SEC16B: variants seen among roughly 807,000 people sequenced by gnomAD.
The protein encoded by SEC16B is protein transport protein Sec16B.
SEC16B carries 115 observed loss-of-function variants against 141.8 expected under a neutral mutation model. The ratio of observed to expected loss-of-function variants is 0.81; its 90% confidence interval spans 0.70 to 0.95. The LOEUF (loss-of-function observed/expected upper bound fraction) is 0.95, where lower values mean the gene tolerates loss of function less well. Among genes scored for constraint, SEC16B ranks in the 40% least tolerant of loss-of-function variants. SEC16B has a pLI of 0.00. For missense variants in SEC16B, 1,291 were observed against 1,312.3 expected, an observed-to-expected ratio of 0.98 and a Z score of 0.25; for synonymous variants, 493 against 492.5, an observed-to-expected ratio of 1.00 and a Z score of -0.01.
intron 14 of SEC16B, 179 bp downstream of exon 14, chr1:177,946,241 G>A (rs1048431584): frequency 7.5e-6 from 5 of 665,410 alleles, no homozygotes; most frequent in Admixed American, 4.4e-5. Context: ...ATGCTGTAAT[G>A]TGGGGCCCAC....
intron 1 of SEC16B, among the ~76,000 whole-genome samples, chr1:177,982,542 C>G (rs1238144530): frequency 6.6e-6 from 1 of 152,126 alleles, no homozygotes; most frequent in African/African-American, 2.4e-5. Context: ...AAAAATTGTG[C>G]TTTTTAAAAA....
intron 20 of SEC16B, among the ~76,000 whole-genome samples, chr1:177,934,848 C>A (rs558296062): frequency 2.6e-5 from 4 of 152,028 alleles, no homozygotes; most frequent in African/African-American, 7.2e-5. Flanking sequence ...GGGGAAAGGA[C>A]GCAACACTCA....
At position 177,965,880 on chromosome 1, in the gene SEC16B, G is replaced by C; in HGVS notation, c.412+13C>G. ...CCCCAAATCCCAGAGGCTTCTTGGAGACTTTTCCATACCTCTTTCTTCCTG... is the reference window on the plus strand; with the variant it reads ...CCCCAAATCCCAGAGGCTTCTTGGACACTTTTCCATACCTCTTTCTTCCTG... On this transcript the variant is annotated intron_variant, in intron 3 of 25. Transcript: ENST00000308284. The C allele has an allele frequency of 1.3e-6, 2 of 1,524,188 alleles. No homozygotes were observed. The highest frequency in any genetic ancestry group is 1.8e-6 in the Non-Finnish European group (2 of 1,115,652). The allele number at this position is 1,524,188 out of a possible 1,614,324, so 94.4% of individuals were successfully genotyped here.
At chr1:177,977,297 G>A (rs1271981897) in intron 1 of SEC16B, among the ~76,000 whole-genome samples, 1 of 152,184 alleles carries the variant, frequency 6.6e-6, no homozygotes, top group Admixed American at 6.5e-5. Flanking sequence ...GAGCTGGAAA[G>A]GATCTGTGGA....
intron 14 of SEC16B, 177 bp downstream of exon 14, chr1:177,946,243 G>A (rs1007171305): frequency 1.4e-5 from 9 of 666,404 alleles, no homozygotes; most frequent in Admixed American, 4.4e-5. Context: ...GCTGTAATGT[G>A]GGGCCCACGG....
rs781155454 is a variant in SEC16B at position 177,965,121 on chromosome 1, C to T, written c.459G>A (p.Glu153=). The stretch of plus-strand genomic sequence containing the variant: ...AATGATGTTCATCAAGGTACTTTTG[C>T]TCTCGGTAATCTTCGTGCCAGATAT... ...SPYIWHEDYR[E]QKYLDEHHYE... is the part of the protein sequence containing the mutation. The change falls in exon 4 of 26, where the codon GAG becomes GAA. Residue 153 remains glutamate, a synonymous_variant. Coordinates refer to ENST00000308284, the MANE Select transcript of SEC16B (RefSeq NM_033127.4). 65 of 1,613,544 alleles carry T rather than the reference C, an allele frequency of 4.0e-5. No homozygotes were observed. The highest frequency in any genetic ancestry group is 1.1e-4 in the African/African-American group (8 of 74,912).
intron 15 of SEC16B, 54 bp downstream of exon 15, chr1:177,944,507 G>C: frequency 2.8e-6 from 4 of 1,412,438 alleles, no homozygotes; most frequent in Non-Finnish European, 4.0e-6. Context: ...TGCAAATACA[G>C]CTGCCTGCAG....
rs766710754 is a variant in SEC16B at position 177,958,174 on chromosome 1, G to T, written c.1323C>A (p.Ile441=). ...AGAGCAGCCTAGTGAATTTCTCCAC[G>T]ATCTGCGCAGGTGTCTCCACACTGG... ...IPPSVETPAQ[I]VEKFTRLLYY... The change falls in exon 10 of 26, where the codon ATC becomes ATA. Residue 441 remains isoleucine (I), a synonymous_variant. Coordinates refer to ENST00000308284, the MANE Select transcript of SEC16B (RefSeq NM_033127.4). The T allele has an allele frequency of 6.4e-7, 1 of 1,564,612 alleles. No individual in the cohort carries two copies. The highest frequency in any genetic ancestry group is 8.7e-7 in the Non-Finnish European group (1 of 1,153,278).
chr1:177,929,980 T>C, intron 25 of SEC16B, 51 bp from the exon 26 acceptor site: 1 of 1,581,800 alleles, frequency 6.3e-7, no homozygotes, highest in Non-Finnish European at 8.6e-7. Context: ...AACATGACTC[T>C]GCCCGGGGTT....
chr1:177,944,529 T>C (rs1651522507), intron 15 of SEC16B, 32 bp downstream of exon 15: 3 of 1,552,426 alleles, frequency 1.9e-6, no homozygotes, highest in Non-Finnish European at 2.7e-6. Flanking sequence ...TGCCTGACAG[T>C]GACGGTGGTG....
chr1:177,964,944 G>T, intron 4 of SEC16B, 103 bp downstream of exon 4: 1 of 1,364,806 alleles, frequency 7.3e-7, no homozygotes, highest in Non-Finnish European at 1.0e-6. Context: ...AAGGTACATG[G>T]GCTTCTGGAG....
In SEC16B at chr1:177,957,080, A is replaced by G. The variant is rs145458720; in HGVS notation, c.1365+1052T>C. 2.1e-3 allele frequency among the ~76,000 whole-genome samples: 319 copies of G among 152,268 alleles called. 1 individual carries two copies. Among genetic ancestry groups the G allele is most frequent in the African/African-American group, 7.5e-3 (313 of 41,556 alleles). ...TAGCAGCAGGAGTATTTGTAAACAA[A>G]CTTCCTGGAAATTAATTTGGTGTAT... On this transcript the variant is annotated intron_variant, in intron 10 of 25. Coordinates refer to ENST00000308284, the MANE Select transcript of SEC16B (RefSeq NM_033127.4).
At chr1:177,948,172 C>T (rs1025552138) in intron 12 of SEC16B, among the ~76,000 whole-genome samples, 11 of 152,160 alleles carry the variant, frequency 7.2e-5, no homozygotes, top group African/African-American at 2.4e-4. Flanking sequence ...CATACATTCA[C>T]AGGGATATTG....
Position 177,930,560 on chromosome 1 carries a change from T to A in SEC16B, c.3096A>T (p.Pro1032=), listed in dbSNP as rs1441673867. Residue 1032 remains proline (P), a synonymous_variant, in exon 25 of 26, where the codon CCA becomes CCT. Coordinates refer to ENST00000308284, the MANE Select transcript of SEC16B (RefSeq NM_033127.4). The stretch of plus-strand genomic sequence containing the variant: ...GCTTCCTTACCTGAGGCACCTGAGA[T>A]GGGTTGTAAAGAGGAACAGCCCCTT... The part of the protein sequence containing the change: ...ALKGAVPLYN[P]SQVPQLPTAT... 6.2e-7 allele frequency: 1 copy of A among 1,613,496 alleles called. No homozygotes were observed. The highest frequency in any genetic ancestry group is 1.1e-5 in the South Asian group (1 of 90,896).
intron 8 of SEC16B, 51 bp from the exon 9 acceptor site, chr1:177,959,026 T>C (rs1187282628): frequency 1.3e-6 from 2 of 1,576,334 alleles, no homozygotes; most frequent in Non-Finnish European, 1.7e-6. Flanking sequence ...GACACTTCCC[T>C]GTTTCGGACC....
At chr1:177,933,391 C>A in intron 21 of SEC16B, 79 bp from the exon 22 acceptor site, 3 of 1,558,532 alleles carry the variant, frequency 1.9e-6, no homozygotes, top group Non-Finnish European at 2.6e-6. Context: ...CCCCATGTAA[C>A]CATCAGAGCC....
At chr1:177,964,115 A>G (rs1450546401) in intron 5 of SEC16B, 56 bp downstream of exon 5, 5 of 1,282,970 alleles carry the variant, frequency 3.9e-6, no homozygotes, top group Admixed American at 4.1e-5. Context: ...CACTGCTGAC[A>G]GTGTCAGCTG....
intron 1 of SEC16B, among the ~76,000 whole-genome samples, chr1:177,983,468 GCTGTTGGTCA>G (rs1654503922): frequency 6.6e-6 from 1 of 151,874 alleles, no homozygotes; most frequent in Admixed American, 6.6e-5. Flanking sequence ...AGGTTAAGCC[GCTGTTGGTCA>G]CTCAGGTTTT....
intron 10 of SEC16B, among the ~76,000 whole-genome samples, chr1:177,956,799 A>G (rs1370371047): frequency 1.3e-5 from 2 of 152,220 alleles, no homozygotes; most frequent in Non-Finnish European, 2.9e-5. Flanking sequence ...TTTCACTTTC[A>G]GTAGCATATT....
Sources: gnomAD v4.1 joint callset for allele counts (sites outside exome capture counted in the v4.1 genomes callset) on GRCh38, gnomAD v4.1.1 for gene constraint, MANE v1.5 for transcripts, NCBI Gene and HGNC (gene_info 2026-07-23, HGNC 2026-07-21) for gene names.